TSEN2: variants seen among roughly 807,000 people sequenced by gnomAD.
TSEN2 encodes tRNA-splicing endonuclease subunit Sen2.
TSEN2 carries 54 observed loss-of-function variants against 59.2 expected under a neutral mutation model. The observed-to-expected ratio is 0.91, with a 90% CI of 0.73 to 1.14. The LOEUF (loss-of-function observed/expected upper bound fraction) is 1.14, where lower values mean the gene tolerates loss of function less well. Among genes scored for constraint, TSEN2 ranks in the 50% most tolerant of loss-of-function variants. TSEN2 has a pLI of 0.00. For missense variants in TSEN2, 636 were observed against 576.2 expected (o/e 1.10, Z -1.06); for synonymous variants, 195 against 198.2 (o/e 0.98, Z 0.14).
At chr3:12,523,523 A>ATTTTTTTTTTTTTTTTTTTTTTTT (rs1386382924) in intron 8 of TSEN2, among the ~76,000 whole-genome samples, 3 of 51,024 alleles carry the variant, frequency 5.9e-5, no homozygotes, top group Non-Finnish European at 8.5e-5. Flanking sequence ...TTCCTCTTTG[A>ATTTTTTTTTTTTTTTTTTTTTTTT]TTCTTTTTTT....
upstream of TSEN2, among the ~76,000 whole-genome samples, chr3:12,480,528 G>GTTTTTTTT (rs752340308): frequency 5.1e-3 from 465 of 91,744 alleles, 10 homozygotes; most frequent in Middle Eastern, 8.3e-3. Flanking sequence ...TTGTTTCTTT[G>GTTTTTTTT]TTTTTTTTTT....
intron 3 of TSEN2, among the ~76,000 whole-genome samples, chr3:12,495,819 G>A (rs1575256918): frequency 6.6e-6 from 1 of 152,178 alleles, no homozygotes; most frequent in Non-Finnish European, 1.5e-5. Context: ...AGACCAGGAC[G>A]AAAACCCAGA....
Position 12,503,774 on chromosome 3 carries a change from CA to C in TSEN2, c.824del (p.Asn275MetfsTer10), listed in dbSNP as rs1325121205. ...ECAMSEREAAPNEELVQRNRL... is the reference protein window; with the variant it reads ...ECAMSEREAAXNEELVQRNRL... ...GCCATGAGCGAGAGGGAGGCTGCCCCAAATGAGGAAGTAAGTAGAAGAAAAT... is the reference window on the plus strand; with the variant it reads ...GCCATGAGCGAGAGGGAGGCTGCCCCAATGAGGAAGTAAGTAGAAGAAAAT... On this transcript the variant is annotated frameshift_variant, in exon 5 of 12. Transcript: ENST00000284995. LOFTEE classifies it high-confidence loss of function. 1 of 1,613,944 alleles carries C rather than the reference CA, an allele frequency of 6.2e-7. No individual in the cohort carries two copies. Among genetic ancestry groups the C allele is most frequent in the Non-Finnish European group, 8.5e-7 (1 of 1,179,982 alleles).
In TSEN2 at chr3:12,529,882, A is replaced by AC. The variant is rs972790463; in HGVS notation, c.1248+10dup. On this transcript the variant is annotated intron_variant, in intron 10 of 11. Coordinates refer to ENST00000284995, the MANE Select transcript of TSEN2 (RefSeq NM_025265.4). Reference sequence around the variant, plus strand: ...CCGTTAATGTCTCTAAGGTAACACAACATCAGCTTTGCCATTGGAGTGTCA... The same window carrying AC: ...CCGTTAATGTCTCTAAGGTAACACAACCATCAGCTTTGCCATTGGAGTGTCA... 6.2e-7 allele frequency: 1 copy of AC among 1,612,998 alleles called. No homozygotes were observed. Among genetic ancestry groups the AC allele is most frequent in the Admixed American group, 1.7e-5 (1 of 59,886 alleles).
chr3:12,489,614 A>C (rs545215868), intron 1 of TSEN2, among the ~76,000 whole-genome samples, 170 bp from the exon 2 acceptor site: 1 of 152,296 alleles, frequency 6.6e-6, no homozygotes, highest in East Asian at 1.9e-4. Context: ...TATGATTTAC[A>C]TTGCTCACAC....
intron 3 of TSEN2, among the ~76,000 whole-genome samples, chr3:12,492,915 A>G (rs2053366414): frequency 6.6e-6 from 1 of 152,086 alleles, no homozygotes. Flanking sequence ...CTATGCATTT[A>G]CTTTGTTTTC....
At chr3:12,527,443 CTTT>C (rs895117307) in intron 8 of TSEN2, among the ~76,000 whole-genome samples, 49 of 137,694 alleles carry the variant, frequency 3.6e-4, no homozygotes, top group African/African-American at 1.2e-3. Flanking sequence ...TTGAACTTTT[CTTT>C]TTTTTTTTTC....
upstream of TSEN2, among the ~76,000 whole-genome samples, chr3:12,482,008 T>A (rs981172695): frequency 2.0e-5 from 3 of 152,108 alleles, no homozygotes; most frequent in Non-Finnish European, 4.4e-5. Context: ...TGAAATATCA[T>A]GGATGAAGTT....
At chr3:12,535,000 A>T (rs1305910343), downstream of TSEN2, among the ~76,000 whole-genome samples, 2 of 152,052 alleles carry the variant, frequency 1.3e-5, no homozygotes, top group Non-Finnish European at 2.9e-5. Flanking sequence ...CTGAAGTTTC[A>T]TTGTTACTTA....
intron 4 of TSEN2, among the ~76,000 whole-genome samples, chr3:12,502,757 CAT>C (rs994682894): frequency 7.5e-6 from 1 of 134,036 alleles, no homozygotes; most frequent in African/African-American, 2.8e-5. Flanking sequence ...CAAGAAGTAA[CAT>C]ATGCTTGTTG....
chr3:12,493,202 G>A (rs895053667), intron 3 of TSEN2, among the ~76,000 whole-genome samples: 11 of 152,062 alleles, frequency 7.2e-5, no homozygotes, highest in African/African-American at 2.4e-4. Flanking sequence ...TCTGTATTTT[G>A]GCTTTTCTGA....
intron 8 of TSEN2, among the ~76,000 whole-genome samples, chr3:12,521,313 A>T (rs79254334): frequency 6.6e-6 from 1 of 152,142 alleles, no homozygotes; most frequent in African/African-American, 2.4e-5. Flanking sequence ...TTCTAGGGGG[A>T]TGGGGGAGAC....
rs561518325 is a variant in TSEN2, at chr3:12,486,990, G to A, written c.-18+2110G>A. Among the ~76,000 whole-genome samples, 3 of 152,238 alleles carry A rather than the reference G, an allele frequency of 2.0e-5. No individual in the cohort carries two copies. In the South Asian group the frequency reaches 6.2e-4, roughly 32 times the overall value. ...TGATGCTATTATGAATAATACTGTT[G>A]TGAACATTCACATACAAATTTTTCC... On this transcript the variant is annotated intron_variant, in intron 1 of 11. Transcript: ENST00000284995.
intron 2 of TSEN2, among the ~76,000 whole-genome samples, chr3:12,491,180 CAG>C (rs1317814606): frequency 6.6e-6 from 1 of 151,998 alleles, no homozygotes; most frequent in Non-Finnish European, 1.5e-5. Flanking sequence ...TTGGTAGAGA[CAG>C]GGTTTCACCA....
Position 12,528,894 on chromosome 3 carries a change from A to G in TSEN2, c.1106A>G (p.Tyr369Cys). 1.2e-6 allele frequency: 2 copies of G among 1,613,942 alleles called. No homozygotes were observed. The highest frequency in any genetic ancestry group is 1.7e-6 in the Non-Finnish European group (2 of 1,180,002). The change falls in exon 9 of 12, where the codon TAT (tyrosine) becomes TGT (cysteine). Residue 369 changes from tyrosine (Y) to cysteine (C), a missense_variant. Tyr to Cys is a radical substitution (Grantham distance 194, BLOSUM62 -2). Coordinates refer to ENST00000284995, the MANE Select transcript of TSEN2 (RefSeq NM_025265.4). ...GLKYGTDLLL[Y>C]RKGPPFYHAS... Reference sequence around the variant, plus strand: ...TTTTCTTTCTTCTTTGCAGTGCTATATCGGAAAGGCCCTCCATTTTACCAT... The same window carrying G: ...TTTTCTTTCTTCTTTGCAGTGCTATGTCGGAAAGGCCCTCCATTTTACCAT...
intron 5 of TSEN2, among the ~76,000 whole-genome samples, chr3:12,504,525 C>T (rs2054611283): frequency 6.6e-6 from 1 of 151,748 alleles, no homozygotes; most frequent in African/African-American, 2.4e-5. Context: ...CAAGGCTGGG[C>T]AACAGTGAGA....
In TSEN2 at chr3:12,528,920, G is replaced by A; in HGVS notation, c.1132G>A (p.Ala378Thr). 1 of 1,613,884 alleles carries A rather than the reference G, an allele frequency of 6.2e-7. No homozygotes were observed. Among genetic ancestry groups the A allele is most frequent in the Non-Finnish European group, 8.5e-7 (1 of 1,179,978 alleles). ...LYRKGPPFYHASYSVIIELVD... is the reference protein window; with the variant it reads ...LYRKGPPFYHTSYSVIIELVD... ...TCGGAAAGGCCCTCCATTTTACCAT[G>A]CAAGGTTCGGAGTGATTTTTAAATA... The change falls in exon 9 of 12, where the codon GCA becomes ACA. Residue 378 changes from alanine to threonine, a missense_variant. By Grantham distance (58) the Ala-to-Thr change is moderately conservative (BLOSUM62 0). Coordinates refer to ENST00000284995, the MANE Select transcript of TSEN2 (RefSeq NM_025265.4).
downstream of TSEN2, among the ~76,000 whole-genome samples, chr3:12,538,018 C>T (rs73126357): frequency 0.012 from 1,815 of 152,208 alleles, 27 homozygotes; most frequent in African/African-American, 0.041. Context: ...CCATGGAATA[C>T]TAGTCATAGT....
chr3:12,494,536 G>C lies in TSEN2; in HGVS notation c.272-1982G>C, dbSNP rs140743940. On this transcript the variant is annotated intron_variant, in intron 3 of 11. Coordinates refer to ENST00000284995, the MANE Select transcript of TSEN2 (RefSeq NM_025265.4). ...CTCAGCCTCCTGGGTGAGTAGCTGG[G>C]ATTACAGGTGTATCCCACCATGCCC... Among the ~76,000 whole-genome samples the C allele has an allele frequency of 6.5e-4, 99 of 152,058 alleles. 1 individual carries two copies. In the East Asian group the frequency reaches 0.013, roughly 20 times the overall value.
Sources: allele counts gnomAD v4.1 joint callset (sites outside exome capture counted in the v4.1 genomes callset), GRCh38; gene constraint gnomAD v4.1.1; transcripts MANE v1.5; gene names NCBI Gene and HGNC (gene_info 2026-07-23, HGNC 2026-07-21).